The following FRMD4B variants were observed in gnomAD, a reference collection of about 807,000 sequenced individuals.
FRMD4B encodes FERM domain-containing protein 4B.
Under a neutral mutation model 141.5 loss-of-function variants are expected in FRMD4B, and 74 were observed. The ratio of observed to expected loss-of-function variants is 0.52; its 90% CI spans 0.43 to 0.63. The LOEUF is 0.63. Among genes scored for constraint, FRMD4B ranks in the 30% least tolerant of loss-of-function variants. FRMD4B has a pLI of 0.00. For missense variants in FRMD4B, 1,366 were observed against 1,253.4 expected, an observed-to-expected ratio of 1.09 and a Z score of -1.36; for synonymous variants, 506 against 467.9, an observed-to-expected ratio of 1.08 and a Z score of -1.05.
At chr3:69,224,984 C>T (rs1265348991) in intron 7 of FRMD4B, among the ~76,000 whole-genome samples, 15 of 152,060 alleles carry the variant, frequency 9.9e-5, no homozygotes, top group Admixed American at 9.2e-4. Context: ...TTTCATTATC[C>T]ACTTTCTCTA....
intron 1 of FRMD4B, among the ~76,000 whole-genome samples, chr3:69,365,452 G>T (rs943348797): frequency 2.6e-5 from 4 of 152,044 alleles, no homozygotes; most frequent in Non-Finnish European, 5.9e-5. Flanking sequence ...GCTAGAATGT[G>T]GACAAGAATG....
intron 5 of FRMD4B, among the ~76,000 whole-genome samples, chr3:69,280,844 C>T (rs947511726): frequency 6.6e-6 from 1 of 152,030 alleles, no homozygotes; most frequent in East Asian, 1.9e-4. Flanking sequence ...GTTTTGAACT[C>T]CTGAGTTCAA....
At chr3:69,400,247 C>T (rs1255140903) in intron 2 of FRMD4B, among the ~76,000 whole-genome samples, 1 of 151,828 alleles carries the variant, frequency 6.6e-6, no homozygotes, top group Non-Finnish European at 1.5e-5. Flanking sequence ...ATTAGTTGGG[C>T]ATGGTGGCTC....
intron 7 of FRMD4B, among the ~76,000 whole-genome samples, chr3:69,229,030 T>G (rs941225244): frequency 6.1e-5 from 9 of 148,600 alleles, no homozygotes; most frequent in African/African-American, 1.3e-4. Context: ...TTTTTTTTTT[T>G]TTGTTTTGTT....
intron 1 of FRMD4B, among the ~76,000 whole-genome samples, chr3:69,437,299 T>A (rs1335309112): frequency 1.3e-5 from 2 of 151,916 alleles, no homozygotes; most frequent in Admixed American, 1.3e-4. Context: ...CTGGAACTCC[T>A]AGGCTCAAGC....
intron 7 of FRMD4B, among the ~76,000 whole-genome samples, chr3:69,228,840 A>G (rs1050791402): frequency 6.6e-6 from 1 of 151,802 alleles, no homozygotes; most frequent in African/African-American, 2.4e-5. Flanking sequence ...TTATTTAAAA[A>G]AAAAAAAAAA....
Position 69,450,128 on chromosome 3 carries a change from TAAAG to T in FRMD4B, c.-128-17371_-128-17368del, listed in dbSNP as rs1293470841. 5.7e-3 allele frequency among the ~76,000 whole-genome samples: 865 copies of T among 152,344 alleles called. 9 individuals are homozygous for T. The highest frequency in any genetic ancestry group is 0.02 in the African/African-American group (817 of 41,576). On this transcript the variant is annotated intron_variant, in intron 1 of 5. Coordinates refer to the FRMD4B transcript ENST00000459638. Reference sequence around the variant, plus strand: ...TGAGAATGAGGTGAGATGAAATTTGTAAAGCATCTCATACAATGCCTGCAGACAA... The same window carrying T: ...TGAGAATGAGGTGAGATGAAATTTGTCATCTCATACAATGCCTGCAGACAA...
At chr3:69,406,910 A>ATT in intron 2 of FRMD4B, among the ~76,000 whole-genome samples, 2 of 70,304 alleles carry the variant, frequency 2.8e-5, no homozygotes, top group East Asian at 8.8e-4. Context: ...TTTTAATTTT[A>ATT]ATTTTTTTTT....
intron 1 of FRMD4B, among the ~76,000 whole-genome samples, chr3:69,324,570 C>G (rs530629641): frequency 3.5e-4 from 53 of 152,350 alleles, no homozygotes; most frequent in African/African-American, 1.3e-3. Flanking sequence ...AGTAGATCCT[C>G]CCCCATATGT....
At chr3:69,224,753 C>T (rs2093233988) in intron 7 of FRMD4B, 63 bp from the exon 8 acceptor site, 1 of 774,134 alleles carries the variant, frequency 1.3e-6, no homozygotes, top group Non-Finnish European at 2.3e-6. Flanking sequence ...GCAAGCCGGT[C>T]ACCAAATGAA....
intron 1 of FRMD4B, among the ~76,000 whole-genome samples, chr3:69,331,449 G>C (rs1005528784): frequency 2.6e-5 from 4 of 152,170 alleles, no homozygotes; most frequent in Non-Finnish European, 5.9e-5. Context: ...TATCCTCTCT[G>C]AGTAGCTGCT....
At chr3:69,322,357 G>A (rs1052433010) in intron 1 of FRMD4B, among the ~76,000 whole-genome samples, 2 of 152,116 alleles carry the variant, frequency 1.3e-5, no homozygotes, top group South Asian at 4.1e-4. Context: ...TGACACAGAT[G>A]TCTCCAAATG....
chr3:69,291,584 C>T (rs981082155), intron 4 of FRMD4B, among the ~76,000 whole-genome samples: 3 of 152,176 alleles, frequency 2.0e-5, no homozygotes, highest in Non-Finnish European at 4.4e-5. Context: ...AAAACTCCTT[C>T]ATCATGGTGT....
chr3:69,334,783 C>A (rs1200845085), intron 1 of FRMD4B, among the ~76,000 whole-genome samples: 1 of 152,172 alleles, frequency 6.6e-6, no homozygotes, highest in Admixed American at 6.5e-5. Context: ...ATTCATCAAG[C>A]TCTTATTGTG....
intron 1 of FRMD4B, among the ~76,000 whole-genome samples, chr3:69,488,179 G>T (rs13092108): frequency 0.31 from 46,820 of 152,128 alleles, 7,622 homozygotes; most frequent in Non-Finnish European, 0.36. Flanking sequence ...TGGTTAAAAT[G>T]GAGCCCTGTT....
At chr3:69,368,434 T>A (rs62254082) in intron 1 of FRMD4B, among the ~76,000 whole-genome samples, 6 of 152,084 alleles carry the variant, frequency 3.9e-5, no homozygotes, top group Non-Finnish European at 5.9e-5. Context: ...GCAGCTGCTG[T>A]GGCTGAGGAA....
intron 1 of FRMD4B, among the ~76,000 whole-genome samples, chr3:69,337,589 T>A (rs1245888979): frequency 6.6e-6 from 1 of 152,050 alleles, no homozygotes; most frequent in African/African-American, 2.4e-5. Context: ...GAGTCTACAA[T>A]GAACTCCAAC....
chr3:69,270,208 C>T (rs1466364306), intron 5 of FRMD4B, among the ~76,000 whole-genome samples: 1 of 152,176 alleles, frequency 6.6e-6, no homozygotes, highest in Non-Finnish European at 1.5e-5. Flanking sequence ...AACAAATTGA[C>T]CTTGCAAAGG....
At chr3:69,413,887 G>C (rs1160008545) in intron 2 of FRMD4B, among the ~76,000 whole-genome samples, 1 of 152,076 alleles carries the variant, frequency 6.6e-6, no homozygotes, top group Non-Finnish European at 1.5e-5. Context: ...TAAGAAAAAA[G>C]TGGAGAGAAA....
Sources: gnomAD v4.1 joint callset for allele counts (sites outside exome capture counted in the v4.1 genomes callset) on GRCh38, gnomAD v4.1.1 for gene constraint, MANE v1.5 for transcripts, NCBI Gene and HGNC (gene_info 2026-07-23, HGNC 2026-07-21) for gene names.